Variants in CCDC12 observed in about 807,000 individuals in gnomAD.
CCDC12 encodes coiled-coil domain containing 12, also known as coiled-coil domain-containing protein 12.
Under a neutral mutation model 25.7 loss-of-function variants are expected in CCDC12, and 28 were observed. The observed-to-expected ratio is 1.09, with a 90% confidence interval of 0.81 to 1.50. CCDC12 has a LOEUF of 1.50. CCDC12 is among the 40% of genes most tolerant of loss of function. CCDC12 has a pLI of 0.00. For synonymous variants in CCDC12, 75 were observed against 87.7 expected (o/e 0.86, Z 0.81); for missense variants, 198 against 210.0 (o/e 0.94, Z 0.35).
chr3:46,960,890 T>A (rs1243124916), intron 1 of CCDC12, among the ~76,000 whole-genome samples: 1 of 142,210 alleles, frequency 7.0e-6, no homozygotes, highest in African/African-American at 2.7e-5. Context: ...GCTGCTTATG[T>A]GTGTTTTGAG....
At chr3:46,948,406 T>C (rs1415244311) in intron 1 of CCDC12, among the ~76,000 whole-genome samples, 1 of 152,126 alleles carries the variant, frequency 6.6e-6, no homozygotes, top group Non-Finnish European at 1.5e-5. Context: ...GGGAACTAGG[T>C]CAACAGCGGT....
rs72281509 is a variant in CCDC12, at chr3:46,956,765, G to GAGCCA, written c.97-15701_97-15700insTGGCT. ...GAGCCCAGGAGGTTGAGGCTGCAGT[G>GAGCCA]AGATTGCACCACTGCACTCCAGCCT... On this transcript the variant is annotated intron_variant, in intron 1 of 6. Coordinates refer to ENST00000683445, the MANE Select transcript of CCDC12 (RefSeq NM_001277074.2). Among the ~76,000 whole-genome samples the GAGCCA allele has an allele frequency of 3.0e-3, 5 of 1,688 alleles. No homozygotes were observed. In the Non-Finnish European group the frequency reaches 0.087, roughly 29 times the overall value. 1.1% of individuals were successfully genotyped at this position (1,688 alleles called of 152,430 possible).
intron 3 of CCDC12, chr3:46,924,018 G>A (rs115271190): frequency 0.022 from 4,664 of 213,154 alleles, 75 homozygotes; most frequent in Non-Finnish European, 0.032. Flanking sequence ...GGGCTCCTGG[G>A]CTCTGAGGAT....
intron 3 of CCDC12, among the ~76,000 whole-genome samples, chr3:46,924,345 C>T (rs1057293016): frequency 2.6e-5 from 4 of 152,230 alleles, no homozygotes; most frequent in African/African-American, 9.6e-5. Flanking sequence ...GGCAGTTCCT[C>T]ACCTCTCTGT....
intron 5 of CCDC12, chr3:46,922,707 C>G (rs1021077534): frequency 3.3e-6 from 1 of 307,166 alleles, no homozygotes; most frequent in Admixed American, 4.8e-5. Flanking sequence ...CAGAAGTGCA[C>G]AAGCACTCAG....
At position 46,936,184 on chromosome 3, in the gene CCDC12, C is replaced by T. The variant is rs79935881; in HGVS notation, c.164+4814G>A. 6.8e-3 allele frequency among the ~76,000 whole-genome samples: 1,040 copies of T among 152,330 alleles called. 12 individuals carry two copies. Among genetic ancestry groups the T allele is most frequent in the African/African-American group, 0.024 (996 of 41,564 alleles). ...CAAATGAATCTGCAAAATGAGACCA[C>T]TCAGCTTATTTCCAAGGACTATCTA... On this transcript the variant is annotated intron_variant, in intron 2 of 6. Coordinates refer to ENST00000683445, the MANE Select transcript of CCDC12 (RefSeq NM_001277074.2).
At chr3:46,936,724 GA>G (rs199648517) in intron 2 of CCDC12, among the ~76,000 whole-genome samples, 2 of 150,132 alleles carry the variant, frequency 1.3e-5, no homozygotes, top group South Asian at 2.1e-4. Context: ...AATTAAAGCA[GA>G]AAAAAAAAAT....
intron 1 of CCDC12, among the ~76,000 whole-genome samples, chr3:46,953,553 G>C (rs1330980609): frequency 6.6e-6 from 1 of 151,452 alleles, no homozygotes; most frequent in Non-Finnish European, 1.5e-5. Flanking sequence ...AGATTCTCTT[G>C]ACCCTCACCT....
chr3:46,947,255 A>T (rs1025603994), intron 1 of CCDC12, among the ~76,000 whole-genome samples: 1 of 152,206 alleles, frequency 6.6e-6, no homozygotes, highest in Admixed American at 6.5e-5. Flanking sequence ...AAAAAGCAAA[A>T]GAGATGGGCA....
intron 1 of CCDC12, among the ~76,000 whole-genome samples, chr3:46,972,234 C>G (rs1340235546): frequency 6.6e-6 from 1 of 152,098 alleles, no homozygotes; most frequent in Non-Finnish European, 1.5e-5. Context: ...TTTGGGAGGC[C>G]AAAGCAGGAG....
At chr3:46,962,992 G>C (rs1478385520) in intron 1 of CCDC12, among the ~76,000 whole-genome samples, 1 of 152,134 alleles carries the variant, frequency 6.6e-6, no homozygotes, top group Non-Finnish European at 1.5e-5. Context: ...TCAAACAATG[G>C]AATACTATAC....
chr3:46,929,636 C>T (rs1354213096), intron 2 of CCDC12, among the ~76,000 whole-genome samples: 3 of 152,114 alleles, frequency 2.0e-5, no homozygotes, highest in African/African-American at 7.2e-5. Context: ...GAGGAAGTTG[C>T]TAAGGGGAGA....
At chr3:46,933,798 G>A (rs1055216796) in intron 2 of CCDC12, among the ~76,000 whole-genome samples, 1 of 152,132 alleles carries the variant, frequency 6.6e-6, no homozygotes, top group Non-Finnish European at 1.5e-5. Flanking sequence ...TTTACCAAAA[G>A]ATAGTCATGA....
chr3:46,970,300 T>C (rs1484723359), intron 1 of CCDC12, among the ~76,000 whole-genome samples: 1 of 150,968 alleles, frequency 6.6e-6, no homozygotes, highest in African/African-American at 2.4e-5. Flanking sequence ...TTTTTAAAGC[T>C]CATCAGCTAT....
chr3:46,926,517 G>A (rs2107106166), intron 2 of CCDC12, among the ~76,000 whole-genome samples: 1 of 152,330 alleles, frequency 6.6e-6, no homozygotes, highest in Non-Finnish European at 1.5e-5. Context: ...AGGCAGGGGT[G>A]GCTGAACCAA....
At chr3:46,959,350 A>G (rs978064718) in intron 1 of CCDC12, among the ~76,000 whole-genome samples, 2 of 152,206 alleles carry the variant, frequency 1.3e-5, no homozygotes, top group Admixed American at 6.5e-5. Context: ...AGTTTCTTCA[A>G]CTGCTAGATG....
At chr3:46,980,016 A>G (rs1401734028), upstream of CCDC12, 1 of 29,596 alleles carries the variant, frequency 3.4e-5, no homozygotes, top group Non-Finnish European at 1.0e-4. Context: ...GGGGCCGCGT[A>G]GCCGCGCGCG....
chr3:46,950,177 AC>A (rs1354662057), intron 1 of CCDC12, among the ~76,000 whole-genome samples: 1 of 151,754 alleles, frequency 6.6e-6, no homozygotes, highest in African/African-American at 2.4e-5. Context: ...GTTCTCACCC[AC>A]CCCTTGCCCT....
At chr3:46,935,770 G>A (rs1022571037) in intron 2 of CCDC12, among the ~76,000 whole-genome samples, 2 of 152,190 alleles carry the variant, frequency 1.3e-5, no homozygotes, top group African/African-American at 4.8e-5. Flanking sequence ...GCCTGGGCTG[G>A]TGGAGCTGCT....
Sources: gnomAD v4.1 joint callset for allele counts (sites outside exome capture counted in the v4.1 genomes callset) on GRCh38, gnomAD v4.1.1 for gene constraint, MANE v1.5 for transcripts, NCBI Gene and HGNC (gene_info 2026-07-23, HGNC 2026-07-21) for gene names.